PPARGC1A: variants seen among roughly 807,000 people sequenced by gnomAD.
PPARGC1A encodes the protein PPARG coactivator 1 alpha.
In PPARGC1A, 25 loss-of-function variants were observed where a neutral mutation model predicts 88.7. The ratio of observed to expected loss-of-function variants is 0.28; its 90% confidence interval spans 0.21 to 0.39. The LOEUF (loss-of-function observed/expected upper bound fraction) is 0.39. PPARGC1A is among the 10% of genes least tolerant of loss of function. The probability of loss-of-function intolerance (pLI) is 1.00; values close to 1 mark genes in which losing one functional copy is unlikely to be tolerated. For synonymous variants in PPARGC1A, 363 were observed against 355.6 expected (o/e 1.02, Z -0.24); for missense variants, 880 against 968.7 (o/e 0.91, Z 1.22).
chr4:24,401,612 A>G, the PPARGC1A span, among the ~76,000 whole-genome samples: 4 of 152,170 alleles, frequency 2.6e-5, no homozygotes, highest in Admixed American at 6.5e-5. Context: ...ATCTCATCCA[A>G]TCCTCACAAA....
the PPARGC1A span, among the ~76,000 whole-genome samples, chr4:24,432,244 T>A: frequency 6.6e-6 from 1 of 152,184 alleles, no homozygotes; most frequent in Non-Finnish European, 1.5e-5. Context: ...ACGTTGACCT[T>A]AATAAGCTTT....
At chr4:24,444,249 T>C in the PPARGC1A span, among the ~76,000 whole-genome samples, 2 of 151,986 alleles carry the variant, frequency 1.3e-5, no homozygotes, top group Non-Finnish European at 2.9e-5. Flanking sequence ...GCCAGACTGG[T>C]CTCAAACTCC....
At chr4:24,283,021 C>T in the PPARGC1A span, among the ~76,000 whole-genome samples, 2 of 152,140 alleles carry the variant, frequency 1.3e-5, no homozygotes, top group East Asian at 3.8e-4. Flanking sequence ...GCAGTTACTT[C>T]CCGTGCTCCT....
the PPARGC1A span, among the ~76,000 whole-genome samples, chr4:24,305,780 C>G: frequency 1.3e-5 from 2 of 152,276 alleles, no homozygotes; most frequent in East Asian, 3.9e-4. Context: ...CCACTGCACT[C>G]CAGCCTGGGC....
chr4:24,296,400 G>T, the PPARGC1A span, among the ~76,000 whole-genome samples: 1 of 151,976 alleles, frequency 6.6e-6, no homozygotes, highest in Admixed American at 6.6e-5. Context: ...GATAAAATGG[G>T]TGTCTCCTAT....
At chr4:24,395,150 A>G in the PPARGC1A span, among the ~76,000 whole-genome samples, 1 of 152,172 alleles carries the variant, frequency 6.6e-6, no homozygotes. Context: ...TATCTGTAGC[A>G]TCTTCTTTGT....
chr4:24,461,022 C>G, the PPARGC1A span, among the ~76,000 whole-genome samples: 1 of 152,298 alleles, frequency 6.6e-6, no homozygotes, highest in East Asian at 1.9e-4. Flanking sequence ...CTGCTGGGCT[C>G]AAGCCATCCT....
the PPARGC1A span, among the ~76,000 whole-genome samples, chr4:23,929,577 G>A: frequency 6.6e-6 from 1 of 152,200 alleles, no homozygotes; most frequent in African/African-American, 2.4e-5. Context: ...GAACACTGTT[G>A]AATGTTAATG....
chr4:24,292,535 A>C, the PPARGC1A span, among the ~76,000 whole-genome samples: 282 of 6,350 alleles, frequency 0.044, no homozygotes, highest in Non-Finnish European at 0.05. Flanking sequence ...CTACCCCCCC[A>C]CCCCACCCCT....
At chr4:24,066,849 G>GTTTT in the PPARGC1A span, among the ~76,000 whole-genome samples, 23 of 100,858 alleles carry the variant, frequency 2.3e-4, no homozygotes, top group African/African-American at 7.0e-4. Context: ...TTTGTTTTGG[G>GTTTT]TTTTTTTTTT....
chr4:24,314,217 T>C, the PPARGC1A span, among the ~76,000 whole-genome samples: 1 of 152,200 alleles, frequency 6.6e-6, no homozygotes, highest in South Asian at 2.1e-4. Flanking sequence ...AGCATTTCAC[T>C]TTATCTTTGA....
intron 2 of PPARGC1A, among the ~76,000 whole-genome samples, chr4:23,839,377 G>A (rs1726633792): frequency 6.6e-6 from 1 of 152,106 alleles, no homozygotes; most frequent in African/African-American, 2.4e-5. Context: ...TTCTCACAAT[G>A]GGAAGAGGAA....
rs145320244 is a variant in PPARGC1A at position 23,885,180 on chromosome 4, G to A, written c.55-249C>T. On this transcript the variant is annotated intron_variant, in intron 1 of 12. Coordinates refer to ENST00000264867, the MANE Select transcript of PPARGC1A (RefSeq NM_013261.5). Reference sequence around the variant, plus strand: ...ACACATGGTAAATACCAAGCTCCACGAAGCTTTCTCTGATTCTTCCAGTTA... The same window carrying A: ...ACACATGGTAAATACCAAGCTCCACAAAGCTTTCTCTGATTCTTCCAGTTA... Among the ~76,000 whole-genome samples the A allele has an allele frequency of 4.4e-3, 667 of 152,200 alleles. 1 individual carries two copies. Among genetic ancestry groups the A allele is most frequent in the African/African-American group, 0.013 (557 of 41,526 alleles).
chr4:24,289,473 T>C, the PPARGC1A span, among the ~76,000 whole-genome samples: 9 of 152,302 alleles, frequency 5.9e-5, 1 homozygote, highest in South Asian at 1.9e-3. Context: ...CACCAACATC[T>C]CATTCTCTCC....
At chr4:24,353,961 T>A in the PPARGC1A span, among the ~76,000 whole-genome samples, 1 of 152,222 alleles carries the variant, frequency 6.6e-6, no homozygotes, top group Non-Finnish European at 1.5e-5. Flanking sequence ...ACAAATTTTG[T>A]GGCCTTACAC....
At chr4:24,449,407 C>G in the PPARGC1A span, among the ~76,000 whole-genome samples, 6 of 152,212 alleles carry the variant, frequency 3.9e-5, no homozygotes, top group African/African-American at 1.4e-4. Context: ...CATTGTCTAT[C>G]CCATCACATG....
At chr4:24,218,906 T>A in the PPARGC1A span, among the ~76,000 whole-genome samples, 2 of 152,246 alleles carry the variant, frequency 1.3e-5, no homozygotes, top group Non-Finnish European at 2.9e-5. Flanking sequence ...CATGTCCCTT[T>A]GAGATTCATG....
At chr4:24,055,760 G>T in the PPARGC1A span, among the ~76,000 whole-genome samples, 1 of 152,210 alleles carries the variant, frequency 6.6e-6, no homozygotes, top group African/African-American at 2.4e-5. Context: ...GATTTCCCCT[G>T]TTCCAGTCTG....
At chr4:23,943,364 C>A in the PPARGC1A span, among the ~76,000 whole-genome samples, 2 of 143,750 alleles carry the variant, frequency 1.4e-5, no homozygotes, top group African/African-American at 5.2e-5. Context: ...AGTAACTTAT[C>A]CAGATAAATT....
Sources: allele counts gnomAD v4.1 joint callset (sites outside exome capture counted in the v4.1 genomes callset), GRCh38; gene constraint gnomAD v4.1.1; transcripts MANE v1.5; gene names NCBI Gene and HGNC (gene_info 2026-07-23, HGNC 2026-07-21).